The following MTR variants were observed in gnomAD, a reference collection of about 807,000 sequenced individuals.
The protein encoded by MTR is 5-methyltetrahydrofolate-homocysteine methyltransferase.
In MTR, 84 loss-of-function variants were observed where a neutral mutation model predicts 154.8. That is an observed-to-expected ratio of 0.54 (90% CI 0.45 to 0.65). The LOEUF (loss-of-function observed/expected upper bound fraction) is 0.65, where lower values mean the gene tolerates loss of function less well. Among genes scored for constraint, MTR ranks in the 30% least tolerant of loss-of-function variants. MTR has a pLI of 0.00. For missense variants in MTR, 1,275 were observed against 1,570.2 expected (o/e 0.81, Z 3.18); for synonymous variants, 554 against 553.9 (o/e 1.00, Z 0.00).
rs577904310 is a variant in MTR, at chr1:236,861,394, G to C, written c.2196+117G>C. The C allele has an allele frequency of 4.0e-5, 56 of 1,388,864 alleles. No individual in the cohort carries two copies. In the South Asian group the frequency reaches 6.0e-4, roughly 15 times the overall value. 86.0% of individuals were successfully genotyped at this position (1,388,864 alleles called of 1,614,324 possible). On this transcript the variant is annotated intron_variant, in intron 20 of 32. Transcript: ENST00000366577. ...TTTGGACAAGAGTTCAATGGTATTG[G>C]CTAGTCATTCCTTCTCTAAATATGT...
intron 15 of MTR, among the ~76,000 whole-genome samples, chr1:236,844,071 G>A (rs1330244986): frequency 6.6e-6 from 1 of 152,140 alleles, no homozygotes; most frequent in Non-Finnish European, 1.5e-5. Flanking sequence ...ACAGTGCTTA[G>A]GGCACTGGGG....
chr1:236,863,682 C>A lies in MTR; in HGVS notation c.2405+128C>A, dbSNP rs558949486. On this transcript the variant is annotated intron_variant, in intron 22 of 32. Transcript: ENST00000366577. The stretch of plus-strand genomic sequence containing the variant: ...GGATGTTAGAGGTTATTTTTTATTT[C>A]TTTTTGCTTGCTGTGTTTTTGAATT... The A allele has an allele frequency of 6.1e-5, 51 of 840,642 alleles. No individual in the cohort carries two copies. The South Asian group carries it at 6.9e-4, about 11-fold the overall frequency. The allele number at this position is 840,642 out of a possible 1,614,324, so 52.1% of individuals were successfully genotyped here. A position where few individuals can be genotyped will look rare whatever the true frequency, so the allele number is the denominator to read the frequency against.
At chr1:236,822,855 C>G (rs1662049247) in intron 8 of MTR, among the ~76,000 whole-genome samples, 1 of 152,136 alleles carries the variant, frequency 6.6e-6, no homozygotes, top group African/African-American at 2.4e-5. Flanking sequence ...TGCATAGGGA[C>G]TTCAAATACA....
intron 22 of MTR, among the ~76,000 whole-genome samples, chr1:236,870,084 C>T (rs907594428): frequency 2.6e-5 from 4 of 152,188 alleles, no homozygotes; most frequent in Non-Finnish European, 5.9e-5. Flanking sequence ...GAGAGTGGAA[C>T]TGGGCCTCTG....
intron 9 of MTR, 70 bp downstream of exon 9, chr1:236,824,289 A>G: frequency 1.6e-6 from 2 of 1,255,112 alleles, no homozygotes; most frequent in South Asian, 1.2e-5. Flanking sequence ...ATGAGGTAAG[A>G]GATCTTGAAT....
intron 13 of MTR, among the ~76,000 whole-genome samples, chr1:236,833,684 G>T (rs904975425): frequency 6.6e-6 from 1 of 152,210 alleles, no homozygotes; most frequent in Non-Finnish European, 1.5e-5. Flanking sequence ...TTAGTGGAAA[G>T]AACATTGACC....
intron 24 of MTR, among the ~76,000 whole-genome samples, chr1:236,877,357 G>A (rs976540888): frequency 6.6e-6 from 1 of 152,190 alleles, no homozygotes; most frequent in Non-Finnish European, 1.5e-5. Context: ...ACCACCTCCA[G>A]ATCAAGAAAT....
intron 5 of MTR, chr1:236,811,560 A>G: frequency 2.2e-6 from 1 of 455,080 alleles, no homozygotes; most frequent in East Asian, 7.0e-5. Context: ...TGGTTTATGG[A>G]ACTTTGTGTG....
chr1:236,879,700 A>T (rs1209294992), intron 24 of MTR, among the ~76,000 whole-genome samples: 1 of 152,232 alleles, frequency 6.6e-6, no homozygotes, highest in Non-Finnish European at 1.5e-5. Context: ...GCAGATTTGT[A>T]GCCTATCCTA....
At chr1:236,858,020 G>A (rs1664301098) in intron 18 of MTR, among the ~76,000 whole-genome samples, 1 of 152,212 alleles carries the variant, frequency 6.6e-6, no homozygotes, top group South Asian at 2.1e-4. Context: ...AGGCCTGGTG[G>A]TAAAGAGTTG....
At chr1:236,820,238 GC>G in intron 8 of MTR, 1 of 754,190 alleles carries the variant, frequency 1.3e-6, no homozygotes, top group Non-Finnish European at 2.4e-6. Context: ...CCTGATCTCT[GC>G]TTGTACAGAG....
At chr1:236,807,518 A>G (rs1309167309) in intron 3 of MTR, among the ~76,000 whole-genome samples, 2 of 152,198 alleles carry the variant, frequency 1.3e-5, no homozygotes, top group Non-Finnish European at 2.9e-5. Context: ...CAAGAGTGTC[A>G]GTATTTCCAC....
At chr1:236,798,483 G>T (rs10925233) in intron 1 of MTR, among the ~76,000 whole-genome samples, 105,146 of 152,020 alleles carry the variant, frequency 0.69, 37,172 homozygotes, top group African/African-American at 0.84. Flanking sequence ...AAGATGTTAA[G>T]GGCACGGAAA....
rs766433883 is a variant in MTR at position 236,874,856 on chromosome 1, A to G, written c.2594+10A>G. ...GAGCAACCACTTCAAAGTAAGTTAT[A>G]CTAATGAGCTTTGTCCTCACTTCAA... is the stretch of plus-strand genomic sequence containing the variant. On this transcript the variant is annotated intron_variant, in intron 24 of 32. Transcript: ENST00000366577. 6.2e-6 allele frequency: 10 copies of G among 1,613,682 alleles called. No individual in the cohort carries two copies. The highest frequency in any genetic ancestry group is 2.2e-5 in the South Asian group (2 of 91,070).
Position 236,819,461 on chromosome 1 carries a change from C to T in MTR, c.764+2918C>T, listed in dbSNP as rs138835605. ...TTCTTTTTAACGCTAAATAATATTCCGTTGCGAAGATGTACGGTGGGTTTT... is the reference window on the plus strand; with the variant it reads ...TTCTTTTTAACGCTAAATAATATTCTGTTGCGAAGATGTACGGTGGGTTTT... On this transcript the variant is annotated intron_variant, in intron 8 of 32. Coordinates refer to ENST00000366577, the MANE Select transcript of MTR (RefSeq NM_000254.3). Among the ~76,000 whole-genome samples the T allele has an allele frequency of 3.0e-4, 45 of 152,174 alleles. No individual in the cohort carries two copies. In the East Asian group the frequency reaches 7.5e-3, roughly 25 times the overall value.
Position 236,885,713 on chromosome 1 carries a change from A to G in MTR, c.2775+494A>G, listed in dbSNP as rs191053985. ...TTGATCAGCTTCAGGGAATCCATGG[A>G]GAACAGGCATAATTAGGCTTTGGAA... is the stretch of plus-strand genomic sequence containing the variant. On this transcript the variant is annotated intron_variant, in intron 26 of 32. Transcript: ENST00000366577. 6.6e-5 allele frequency among the ~76,000 whole-genome samples: 10 copies of G among 152,350 alleles called. No homozygotes were observed. In the East Asian group the frequency reaches 1.9e-3, roughly 29 times the overall value.
chr1:236,809,207 A>C, intron 4 of MTR, among the ~76,000 whole-genome samples: 1 of 152,174 alleles, frequency 6.6e-6, no homozygotes, highest in Non-Finnish European at 1.5e-5. Flanking sequence ...TGATATAGGT[A>C]AAGATATTGC....
chr1:236,874,054 T>C (rs1382533498), intron 23 of MTR, among the ~76,000 whole-genome samples: 1 of 152,144 alleles, frequency 6.6e-6, no homozygotes, highest in Non-Finnish European at 1.5e-5. Flanking sequence ...GTCCTGGAGA[T>C]GGGGAATGGG....
intron 21 of MTR, among the ~76,000 whole-genome samples, 173 bp from the exon 22 acceptor site, chr1:236,863,281 C>T (rs559103244): frequency 6.6e-6 from 1 of 152,378 alleles, no homozygotes; most frequent in Admixed American, 6.5e-5. Flanking sequence ...CTTGGGCTAG[C>T]CCATTAGGTG....
Sources: allele counts gnomAD v4.1 joint callset (sites outside exome capture counted in the v4.1 genomes callset), GRCh38; gene constraint gnomAD v4.1.1; transcripts MANE v1.5; gene names NCBI Gene and HGNC (gene_info 2026-07-23, HGNC 2026-07-21).